PJA2: variants seen among roughly 807,000 people sequenced by gnomAD.
PJA2 encodes the protein E3 ubiquitin-protein ligase Praja-2.
In PJA2, 25 loss-of-function variants were observed where a neutral mutation model predicts 69.3. The ratio of observed to expected loss-of-function variants is 0.36; its 90% CI spans 0.26 to 0.50. The LOEUF (loss-of-function observed/expected upper bound fraction) is 0.50. Among genes scored for constraint, PJA2 ranks in the 20% least tolerant of loss-of-function variants. PJA2 has a pLI of 0.96. For synonymous variants in PJA2, 308 were observed against 277.8 expected (o/e 1.11, Z -1.08); for missense variants, 809 against 830.2 (o/e 0.97, Z 0.31).
intron 1 of PJA2, among the ~76,000 whole-genome samples, chr5:109,404,463 A>G (rs1489263532): frequency 1.3e-5 from 2 of 152,044 alleles, no homozygotes; most frequent in East Asian, 1.9e-4. Flanking sequence ...GGTTGCAGCG[A>G]GCTGAGACTG....
intron 4 of PJA2, among the ~76,000 whole-genome samples, chr5:109,374,214 G>A (rs962554325): frequency 2.0e-5 from 3 of 152,094 alleles, no homozygotes; most frequent in African/African-American, 7.2e-5. Flanking sequence ...CTTAGTATCA[G>A]GTTATTGTAA....
chr5:109,352,644 A>G (rs1022618113), intron 7 of PJA2, among the ~76,000 whole-genome samples: 1 of 152,080 alleles, frequency 6.6e-6, no homozygotes, highest in Admixed American at 6.6e-5. Flanking sequence ...CACTCACCAT[A>G]AAGCGTAATT....
At chr5:109,357,856 C>T (rs1762440516) in intron 6 of PJA2, among the ~76,000 whole-genome samples, 1 of 152,198 alleles carries the variant, frequency 6.6e-6, no homozygotes, top group Non-Finnish European at 1.5e-5. Flanking sequence ...ACTCTTCAAA[C>T]GATTGAAGAC....
intron 1 of PJA2, among the ~76,000 whole-genome samples, chr5:109,393,200 A>G (rs1168821818): frequency 6.6e-6 from 1 of 152,208 alleles, no homozygotes; most frequent in African/African-American, 2.4e-5. Context: ...CGCACTCCAG[A>G]AAAGGTTACC....
intron 9 of PJA2, among the ~76,000 whole-genome samples, chr5:109,343,961 G>T (rs1007068942): frequency 6.6e-6 from 1 of 151,978 alleles, no homozygotes; most frequent in African/African-American, 2.4e-5. Flanking sequence ...GCTGAGCTTG[G>T]TGGTGGGTGC....
intron 3 of PJA2, among the ~76,000 whole-genome samples, chr5:109,381,165 A>G (rs1747038635): frequency 6.6e-6 from 1 of 152,040 alleles, no homozygotes; most frequent in African/African-American, 2.4e-5. Context: ...ATATGCAGGG[A>G]AAAAATATCT....
intron 7 of PJA2, among the ~76,000 whole-genome samples, chr5:109,349,246 T>C (rs1192472958): frequency 2.0e-5 from 3 of 152,246 alleles, no homozygotes; most frequent in Admixed American, 6.5e-5. Context: ...CAAATCCATA[T>C]TCACTATTGT....
chr5:109,380,892 C>T (rs1747030641), intron 3 of PJA2, among the ~76,000 whole-genome samples: 1 of 150,638 alleles, frequency 6.6e-6, no homozygotes, highest in African/African-American at 2.4e-5. Flanking sequence ...ACAGGTGGAT[C>T]ACTTGAGAGG....
intron 3 of PJA2, 29 bp downstream of exon 3, chr5:109,381,474 T>C (rs773214744): frequency 1.9e-6 from 3 of 1,582,612 alleles, no homozygotes; most frequent in Non-Finnish European, 1.7e-6. Context: ...TAACTATTAA[T>C]AACCTTTAAA....
At chr5:109,381,727 A>G (rs1747052475) in intron 2 of PJA2, 24 bp from the exon 3 acceptor site, 2 of 1,605,808 alleles carry the variant, frequency 1.2e-6, no homozygotes, top group South Asian at 2.2e-5. Flanking sequence ...TAAAAAATTA[A>G]AACAGGAACA....
At chr5:109,348,006 C>G (rs1762196035) in intron 7 of PJA2, among the ~76,000 whole-genome samples, 1 of 152,142 alleles carries the variant, frequency 6.6e-6, no homozygotes, top group South Asian at 2.1e-4. Flanking sequence ...TTTGGTTACA[C>G]CTGTTGAGCT....
intron 6 of PJA2, among the ~76,000 whole-genome samples, chr5:109,356,378 C>T (rs772858221): frequency 6.6e-6 from 1 of 152,150 alleles, no homozygotes; most frequent in East Asian, 1.9e-4. Context: ...CCAAAATGTG[C>T]CAATGAGTAT....
At position 109,370,883 on chromosome 5, in the gene PJA2, C is replaced by T. The variant is rs892743877; in HGVS notation, c.1284-2137G>A. 3.9e-5 allele frequency among the ~76,000 whole-genome samples: 6 copies of T among 152,006 alleles called. No homozygotes were observed. The East Asian group carries it at 9.6e-4, about 24-fold the overall frequency. On this transcript the variant is annotated intron_variant, in intron 4 of 9. Transcript: ENST00000361189. ...TTTTCACTCAGAATATGATCCTGTC[C>T]AAAGAGATAACATTAAAAAGTCCTC...
At chr5:109,349,707 G>A (rs1762218753) in intron 7 of PJA2, among the ~76,000 whole-genome samples, 1 of 152,126 alleles carries the variant, frequency 6.6e-6, no homozygotes, top group African/African-American at 2.4e-5. Context: ...GATGGACTAG[G>A]GACTCTTCCT....
intron 1 of PJA2, among the ~76,000 whole-genome samples, chr5:109,400,491 G>A (rs1747515873): frequency 6.9e-6 from 1 of 145,170 alleles, no homozygotes; most frequent in African/African-American, 2.5e-5. Flanking sequence ...GGGGGAGGGG[G>A]GGGAAGGGCG....
In PJA2 at chr5:109,368,599, G is replaced by T. The variant is rs772626814; in HGVS notation, c.1431C>A (p.Gly477=). The T allele has an allele frequency of 1.2e-6, 2 of 1,613,728 alleles. No individual in the cohort carries two copies. Among genetic ancestry groups the T allele is most frequent in the East Asian group, 2.2e-5 (1 of 44,860 alleles). ...NEPELQSDSS[G]PEEENQELSL... ...ATAATTCTTGGTTTTCTTCTTCAGG[G>T]CCACTGCTATCACTTTGTAGCTCAG... Residue 477 remains glycine (G), a synonymous_variant, in exon 5 of 10, where the codon GGC becomes GGA. Coordinates refer to ENST00000361189, the MANE Select transcript of PJA2 (RefSeq NM_014819.5).
chr5:109,401,770 G>A (rs1459420450), intron 1 of PJA2, among the ~76,000 whole-genome samples: 1 of 152,074 alleles, frequency 6.6e-6, no homozygotes, highest in East Asian at 1.9e-4. Context: ...AATAAGCACT[G>A]GAAAAGAGGC....
At chr5:109,342,424 T>G (rs1235802213) in intron 9 of PJA2, among the ~76,000 whole-genome samples, 2 of 104,994 alleles carry the variant, frequency 1.9e-5, no homozygotes, top group African/African-American at 8.1e-5. Flanking sequence ...GGGAGGGAGG[T>G]GGGGATGTCG....
At chr5:109,364,481 G>C (rs1477965692) in intron 5 of PJA2, among the ~76,000 whole-genome samples, 3 of 151,262 alleles carry the variant, frequency 2.0e-5, no homozygotes, top group Non-Finnish European at 4.4e-5. Flanking sequence ...AAATTAGCCG[G>C]GCGTAGTGGC....
Sources: allele counts gnomAD v4.1 joint callset (sites outside exome capture counted in the v4.1 genomes callset), GRCh38; gene constraint gnomAD v4.1.1; transcripts MANE v1.5; gene names NCBI Gene and HGNC (gene_info 2026-07-23, HGNC 2026-07-21).